Variants in ADA observed in about 807,000 individuals in gnomAD.
The protein encoded by ADA is adenosine deaminase.
ADA carries 45 observed loss-of-function variants against 49.0 expected under a neutral mutation model. The ratio of observed to expected loss-of-function variants is 0.92; its 90% CI spans 0.72 to 1.18. ADA has a LOEUF of 1.18. Ranked by LOEUF, ADA falls within the 50% of genes most tolerant of loss-of-function variation. The pLI, the probability that ADA is intolerant of heterozygous loss-of-function variation, is 0.00. For missense variants in ADA, 445 were observed against 472.5 expected (o/e 0.94, Z 0.54); for synonymous variants, 173 against 184.2 (o/e 0.94, Z 0.49).
intron 5 of ADA, among the ~76,000 whole-genome samples, chr20:44,625,340 G>C (rs936855757): frequency 6.6e-6 from 1 of 152,086 alleles, no homozygotes; most frequent in Non-Finnish European, 1.5e-5. Flanking sequence ...CTTCCTGCAG[G>C]GTGGCTATAA....
intron 1 of ADA, among the ~76,000 whole-genome samples, chr20:44,640,818 C>T (rs370372785): frequency 4.6e-4 from 70 of 151,850 alleles, no homozygotes; most frequent in Non-Finnish European, 9.7e-4. Context: ...GAAACACACA[C>T]AAGAGGAAGC....
At chr20:44,635,382 G>A (rs1319291471) in intron 2 of ADA, among the ~76,000 whole-genome samples, 1 of 152,158 alleles carries the variant, frequency 6.6e-6, no homozygotes, top group Admixed American at 6.5e-5. Context: ...AGACAGCCTT[G>A]GGTTCAACTC....
At position 44,623,486 on chromosome 20, in the gene ADA, C is replaced by T. The variant is rs62207807; in HGVS notation, c.607-408G>A. On this transcript the variant is annotated intron_variant, in intron 6 of 11. Coordinates refer to ENST00000372874, the MANE Select transcript of ADA (RefSeq NM_000022.4). Reference sequence around the variant, plus strand: ...TCCACAGGAGGCCCATTCATCATCACGCTGGAAGCGACTTTTGAGATGTCG... The same window carrying T: ...TCCACAGGAGGCCCATTCATCATCATGCTGGAAGCGACTTTTGAGATGTCG... Among the ~76,000 whole-genome samples, 808 of 152,312 alleles carry T rather than the reference C, an allele frequency of 5.3e-3. 6 individuals carry two copies. The highest frequency in any genetic ancestry group is 8.4e-3 in the Non-Finnish European group (569 of 68,026).
At chr20:44,646,710 C>G (rs935995553) in intron 1 of ADA, among the ~76,000 whole-genome samples, 3 of 152,044 alleles carry the variant, frequency 2.0e-5, no homozygotes, top group African/African-American at 7.3e-5. Flanking sequence ...AAGCGGCAGG[C>G]AGGAATTCAA....
chr20:44,643,058 C>T (rs996807446), intron 1 of ADA, among the ~76,000 whole-genome samples: 2 of 152,164 alleles, frequency 1.3e-5, no homozygotes, highest in African/African-American at 4.8e-5. Context: ...AGGCCTCCTA[C>T]TGAATTTTCT....
intron 1 of ADA, among the ~76,000 whole-genome samples, chr20:44,637,502 C>G (rs920813415): frequency 6.6e-6 from 1 of 152,160 alleles, no homozygotes; most frequent in Non-Finnish European, 1.5e-5. Flanking sequence ...GTTCCTGTTC[C>G]AAATGATGGA....
intron 1 of ADA, among the ~76,000 whole-genome samples, chr20:44,645,841 G>C (rs1423851512): frequency 2.0e-5 from 3 of 152,174 alleles, no homozygotes; most frequent in Non-Finnish European, 2.9e-5. Context: ...CAGACCCAGA[G>C]AGCCTGACCC....
chr20:44,644,319 G>A (rs902431965), intron 1 of ADA, among the ~76,000 whole-genome samples: 12 of 152,174 alleles, frequency 7.9e-5, no homozygotes, highest in Admixed American at 6.5e-4. Flanking sequence ...TCATCATGTC[G>A]TGTCCTCAGC....
chr20:44,631,931 C>T (rs1014955530), intron 2 of ADA, among the ~76,000 whole-genome samples: 2 of 152,176 alleles, frequency 1.3e-5, no homozygotes, highest in Admixed American at 6.5e-5. Context: ...TTCCTGGGTT[C>T]CACATTTCCA....
At chr20:44,626,866 C>T (rs906873723) in intron 3 of ADA, among the ~76,000 whole-genome samples, 1 of 152,158 alleles carries the variant, frequency 6.6e-6, no homozygotes, top group African/African-American at 2.4e-5. Flanking sequence ...CCCCTGTCAT[C>T]CTGTTCTCCA....
chr20:44,636,034 G>A (rs555132088), intron 2 of ADA, 193 bp downstream of exon 2: 5 of 618,618 alleles, frequency 8.1e-6, no homozygotes, highest in South Asian at 1.9e-5. Flanking sequence ...AAGCTCAGGA[G>A]TTGGTCTGCG....
chr20:44,651,519 C>A (rs2065645590), intron 1 of ADA, 56 bp downstream of exon 1: 2 of 1,504,654 alleles, frequency 1.3e-6, no homozygotes, highest in South Asian at 2.4e-5. Flanking sequence ...CCCGCTAAGC[C>A]CCTCGGGCCG....
intron 1 of ADA, among the ~76,000 whole-genome samples, chr20:44,646,242 C>T (rs1024039003): frequency 3.9e-5 from 6 of 152,204 alleles, no homozygotes; most frequent in African/African-American, 1.4e-4. Context: ...AGACCACTTC[C>T]TCTCTCTGAT....
chr20:44,650,208 T>C (rs1019497925), intron 1 of ADA, among the ~76,000 whole-genome samples: 4 of 152,150 alleles, frequency 2.6e-5, no homozygotes, highest in Admixed American at 6.6e-5. Context: ...TAGGAGGGCT[T>C]GTACAGCACC....
chr20:44,632,430 C>T (rs1460042213), intron 2 of ADA, among the ~76,000 whole-genome samples: 1 of 152,014 alleles, frequency 6.6e-6, no homozygotes, highest in Non-Finnish European at 1.5e-5. Flanking sequence ...CTGGCTGCTG[C>T]GTGGGAAACA....
At chr20:44,628,151 C>T (rs192330692) in intron 3 of ADA, among the ~76,000 whole-genome samples, 1 of 152,228 alleles carries the variant, frequency 6.6e-6, no homozygotes, top group Non-Finnish European at 1.5e-5. Flanking sequence ...GAGAGCCCAG[C>T]GTGGGAAGAA....
chr20:44,629,364 C>T (rs980100001), intron 2 of ADA, among the ~76,000 whole-genome samples, 195 bp from the exon 3 acceptor site: 1 of 152,206 alleles, frequency 6.6e-6, no homozygotes, highest in Non-Finnish European at 1.5e-5. Flanking sequence ...TTTCCAGCAC[C>T]TTCTACCCCC....
chr20:44,645,904 G>A (rs1368855301), intron 1 of ADA, among the ~76,000 whole-genome samples: 2 of 152,260 alleles, frequency 1.3e-5, no homozygotes, highest in East Asian at 1.9e-4. Flanking sequence ...TGGTCACTAG[G>A]AGTGCAGAGG....
chr20:44,629,985 G>A (rs1376605831), intron 2 of ADA, among the ~76,000 whole-genome samples: 3 of 150,958 alleles, frequency 2.0e-5, no homozygotes, highest in Admixed American at 1.3e-4. Flanking sequence ...AGGTCACCTC[G>A]AGCCTCAGTT....
Sources: gnomAD v4.1 joint callset for allele counts (sites outside exome capture counted in the v4.1 genomes callset) on GRCh38, gnomAD v4.1.1 for gene constraint, MANE v1.5 for transcripts, NCBI Gene and HGNC (gene_info 2026-07-23, HGNC 2026-07-21) for gene names.